The following NISCH variants were observed in gnomAD, a reference collection of about 807,000 sequenced individuals.
The protein encoded by NISCH is I-1 receptor candidate protein.
NISCH carries 55 observed loss-of-function variants against 138.4 expected under a neutral mutation model. That is an observed-to-expected ratio of 0.40 (90% confidence interval 0.32 to 0.50). The LOEUF (loss-of-function observed/expected upper bound fraction) is 0.50, where lower values mean the gene tolerates loss of function less well. Among genes scored for constraint, NISCH ranks in the 20% least tolerant of loss-of-function variants. The pLI, the probability that NISCH is intolerant of heterozygous loss-of-function variation, is 0.71. For missense variants in NISCH, 1,643 were observed against 2,005.5 expected (o/e 0.82, Z 3.45); for synonymous variants, 860 against 861.5 (o/e 1.00, Z 0.03).
intron 8 of NISCH, among the ~76,000 whole-genome samples, chr3:52,477,034 CAAAA>C (rs1707116041): frequency 6.6e-6 from 1 of 150,740 alleles, no homozygotes; most frequent in African/African-American, 2.4e-5. Context: ...GACTCCGTCT[CAAAA>C]GAAGAAAAAA....
In NISCH at chr3:52,488,331, C is replaced by T. The variant is rs1242370810; in HGVS notation, c.2839C>T (p.Pro947Ser). The T allele has an allele frequency of 3.1e-6, 5 of 1,612,726 alleles. No homozygotes were observed. ...NRNSFKLSRV[P>S]LSTVLLDPTR... Reference sequence around the variant, plus strand: ...CAACAGCTTCAAGCTCAGCCGTGTGCCGCTCTCCACCGTGCTGCTGGACCC... The same window carrying T: ...CAACAGCTTCAAGCTCAGCCGTGTGTCGCTCTCCACCGTGCTGCTGGACCC... The change falls in exon 16 of 21, where the codon CCG becomes TCG. Residue 947 changes from proline to serine, a missense_variant. Physicochemically the swap from Pro to Ser is moderately conservative, Grantham distance 74. Transcript: ENST00000345716.
At chr3:52,462,918 G>C (rs1418937914) in intron 3 of NISCH, among the ~76,000 whole-genome samples, 1 of 152,204 alleles carries the variant, frequency 6.6e-6, no homozygotes, top group Non-Finnish European at 1.5e-5. Context: ...TTACAGGCAT[G>C]AGCCACCACG....
intron 3 of NISCH, among the ~76,000 whole-genome samples, chr3:52,470,211 A>G (rs952432654): frequency 6.6e-6 from 1 of 151,880 alleles, no homozygotes; most frequent in African/African-American, 2.4e-5. Flanking sequence ...TGTTGTTTGT[A>G]TGACTGGGGG....
intron 11 of NISCH, among the ~76,000 whole-genome samples, chr3:52,479,359 G>A (rs1036525410): frequency 1.3e-5 from 2 of 152,038 alleles, no homozygotes; most frequent in Admixed American, 6.5e-5. Flanking sequence ...CTCTCCCATC[G>A]CTCTTTTGAG....
chr3:52,490,347 G>A, intron 18 of NISCH, 116 bp downstream of exon 18: 1 of 1,179,442 alleles, frequency 8.5e-7, no homozygotes, highest in African/African-American at 1.5e-5. Flanking sequence ...CGACTTGGCT[G>A]CAGTGGGCTG....
Position 52,482,457 on chromosome 3 carries a change from G to A in NISCH, c.1529-2056G>A, listed in dbSNP as rs528248868. On this transcript the variant is annotated intron_variant, in intron 13 of 20. Transcript: ENST00000345716. ...TGAGAGGAGGCTGTGTGGAGAGGTGGTTAGGAGCCAGGGCTCGGTCAGCTG... is the reference window on the plus strand; with the variant it reads ...TGAGAGGAGGCTGTGTGGAGAGGTGATTAGGAGCCAGGGCTCGGTCAGCTG... Among the ~76,000 whole-genome samples, 5 of 152,310 alleles carry A rather than the reference G, an allele frequency of 3.3e-5. No individual in the cohort carries two copies. In the South Asian group the frequency reaches 1.0e-3, roughly 32 times the overall value.
intron 18 of NISCH, 121 bp downstream of exon 18, chr3:52,490,352 G>A (rs1020378892): frequency 1.8e-6 from 2 of 1,118,088 alleles, no homozygotes; most frequent in Admixed American, 2.1e-5. Context: ...TGGCTGCAGT[G>A]GGCTGAGAGT....
chr3:52,480,350 C>T, intron 13 of NISCH, 55 bp downstream of exon 13: 1 of 1,605,038 alleles, frequency 6.2e-7, no homozygotes, highest in Non-Finnish European at 8.5e-7. Flanking sequence ...GCCTGGGCCC[C>T]CTGGCTGGGC....
At chr3:52,459,079 C>T (rs890049114) in intron 3 of NISCH, among the ~76,000 whole-genome samples, 1 of 152,202 alleles carries the variant, frequency 6.6e-6, no homozygotes, top group Non-Finnish European at 1.5e-5. Context: ...CACCACAAGG[C>T]ATTTTGTTTA....
intron 3 of NISCH, among the ~76,000 whole-genome samples, chr3:52,469,408 G>A (rs1297934013): frequency 6.6e-6 from 1 of 152,254 alleles, no homozygotes; most frequent in African/African-American, 2.4e-5. Context: ...TTTTAGCCAT[G>A]TAAAATTGAG....
At chr3:52,462,393 C>T (rs149543367) in intron 3 of NISCH, among the ~76,000 whole-genome samples, 1 of 152,326 alleles carries the variant, frequency 6.6e-6, no homozygotes, top group Non-Finnish European at 1.5e-5. Context: ...CCAGACATTG[C>T]CAAATGTCCC....
chr3:52,492,286 A>G lies in NISCH; in HGVS notation c.4319A>G (p.His1440Arg). ...CTCGTCTTCGATGACGTGCAAGGTC[A>G]TGACCTCATGGGCAGTGTCACCCTG... ...LTLVFDDVQG[H>R]DLMGSVTLDH... Residue 1440 changes from histidine to arginine, a missense_variant, in exon 21 of 21, where the codon CAT becomes CGT. Coordinates refer to ENST00000345716, the MANE Select transcript of NISCH (RefSeq NM_007184.4). 6.2e-7 allele frequency: 1 copy of G among 1,613,406 alleles called. No homozygotes were observed. The highest frequency in any genetic ancestry group is 1.1e-5 in the South Asian group (1 of 91,092).
In NISCH at chr3:52,480,148, C is replaced by T. The variant is rs77017530; in HGVS notation, c.1417-36C>T. ...GGCCTTGGGGAGCTCTGTGCTTCCTCTTCTCTCCCGGGCTGACTCAAGCAC... is the reference window on the plus strand; with the variant it reads ...GGCCTTGGGGAGCTCTGTGCTTCCTTTTCTCTCCCGGGCTGACTCAAGCAC... On this transcript the variant is annotated intron_variant, in intron 12 of 20. Coordinates refer to ENST00000345716, the MANE Select transcript of NISCH (RefSeq NM_007184.4). The T allele has an allele frequency of 0.014, 23,225 of 1,612,350 alleles. 2,445 individuals carry two copies. In the Admixed American group the frequency reaches 0.2, roughly 14 times the overall value.
At chr3:52,464,517 C>CT (rs71084185) in intron 3 of NISCH, among the ~76,000 whole-genome samples, 31,986 of 75,588 alleles carry the variant, frequency 0.42, 10,889 homozygotes, top group Middle Eastern at 0.5. Context: ...TGTGAGTTGT[C>CT]TTTTTTTTTT....
chr3:52,462,446 A>G (rs1361166199), intron 3 of NISCH, among the ~76,000 whole-genome samples: 1 of 152,194 alleles, frequency 6.6e-6, no homozygotes. Context: ...CCACTGGATT[A>G]GATCTTCATT....
At chr3:52,460,475 C>T (rs769308614) in intron 3 of NISCH, among the ~76,000 whole-genome samples, 5 of 149,980 alleles carry the variant, frequency 3.3e-5, no homozygotes, top group Non-Finnish European at 5.9e-5. Flanking sequence ...GATCATGGGT[C>T]ACTGCAACCT....
At chr3:52,462,698 C>T (rs1174057722) in intron 3 of NISCH, among the ~76,000 whole-genome samples, 2 of 151,938 alleles carry the variant, frequency 1.3e-5, no homozygotes, top group Non-Finnish European at 2.9e-5. Context: ...TGCAGTGGTA[C>T]GATCTCGGCT....
At chr3:52,468,745 G>C (rs745772572) in intron 3 of NISCH, among the ~76,000 whole-genome samples, 8 of 151,972 alleles carry the variant, frequency 5.3e-5, no homozygotes, top group Non-Finnish European at 7.4e-5. Flanking sequence ...TTTGCTTTTT[G>C]TCCACGGGAT....
rs748945023 is a variant in NISCH, at chr3:52,487,412, TGAG to T, written c.1929_1931del (p.Glu647del). ...AGGGTGAACAGGGCGAGGAGGAGGATGAGGAGGAGGAAGAAGAGGAGGACGTGG... is the reference window on the plus strand; with the variant it reads ...AGGGTGAACAGGGCGAGGAGGAGGATGAGGAGGAAGAAGAGGAGGACGTGG... On this transcript the variant is annotated inframe_deletion, in exon 16 of 21. Transcript: ENST00000345716. This position sits in a 1 kb window ranked among gnomAD's most constrained non-coding sequence, Gnocchi z 9.1. The T allele has an allele frequency of 1.8e-4, 286 of 1,609,558 alleles. No homozygotes were observed. The highest frequency in any genetic ancestry group is 1.1e-3 in the African/African-American group (80 of 74,066).
Sources: gnomAD v4.1 joint callset for allele counts (sites outside exome capture counted in the v4.1 genomes callset) on GRCh38, gnomAD v4.1.1 for gene constraint, Gnocchi (gnomAD v3.1) non-coding constraint, MANE v1.5 for transcripts, NCBI Gene and HGNC (gene_info 2026-07-23, HGNC 2026-07-21) for gene names.